Variants in ASH1L observed in about 807,000 individuals in gnomAD.
The protein encoded by ASH1L is ASH1 like histone lysine methyltransferase.
Under a neutral mutation model 269.0 loss-of-function variants are expected in ASH1L, and 23 were observed. The observed-to-expected ratio is 0.09, with a 90% CI of 0.06 to 0.12. The LOEUF is 0.12. Ranked by LOEUF, ASH1L falls within the 10% of genes least tolerant of loss-of-function variation. The pLI, the probability that ASH1L is intolerant of heterozygous loss-of-function variation, is 1.00. For synonymous variants in ASH1L, 1,187 were observed against 1,253.5 expected, an observed-to-expected ratio of 0.95 and a Z score of 1.12; for missense variants, 2,912 against 3,567.8, an observed-to-expected ratio of 0.82 and a Z score of 4.68.
chr1:155,418,492 C>T (rs780732914), intron 5 of ASH1L, among the ~76,000 whole-genome samples: 2 of 151,896 alleles, frequency 1.3e-5, no homozygotes, highest in Non-Finnish European at 1.5e-5. Context: ...GAATATAATA[C>T]TAACAGAATC....
chr1:155,499,823 T>C (rs1276615929), intron 2 of ASH1L, among the ~76,000 whole-genome samples: 1 of 152,174 alleles, frequency 6.6e-6, no homozygotes, highest in Admixed American at 6.5e-5. Context: ...ATATACCTTC[T>C]AACAATTTGG....
chr1:155,524,824 A>T (rs769866653), intron 1 of ASH1L, among the ~76,000 whole-genome samples: 35 of 152,300 alleles, frequency 2.3e-4, no homozygotes, highest in Non-Finnish European at 4.3e-4. Context: ...TGGGCAACAG[A>T]ACAAGACCCT....
At chr1:155,410,497 TTG>T (rs1659674642) in intron 6 of ASH1L, among the ~76,000 whole-genome samples, 1 of 152,006 alleles carries the variant, frequency 6.6e-6, no homozygotes, top group South Asian at 2.1e-4. Flanking sequence ...AGAGACAGGG[TTG>T]TGTCATGTTG....
chr1:155,512,448 C>CTTTT (rs1217608016), intron 2 of ASH1L, among the ~76,000 whole-genome samples: 17 of 93,710 alleles, frequency 1.8e-4, no homozygotes, highest in East Asian at 1.2e-3. Flanking sequence ...GGATCTTAGA[C>CTTTT]TTTTTTTTTT....
chr1:155,562,845 T>TCCC, upstream of ASH1L: 1 of 180,408 alleles, frequency 5.5e-6, no homozygotes, highest in Non-Finnish European at 1.1e-5. Context: ...CTCCCCCCCC[T>TCCC]TCCCCGCCCC....
intron 2 of ASH1L, among the ~76,000 whole-genome samples, chr1:155,494,499 A>C (rs1434323523): frequency 6.6e-6 from 1 of 152,346 alleles, no homozygotes; most frequent in South Asian, 2.1e-4. Flanking sequence ...AAGAAAAAAC[A>C]CAAAAAACTT....
intron 6 of ASH1L, among the ~76,000 whole-genome samples, chr1:155,407,959 G>C (rs996163924): frequency 2.0e-5 from 3 of 152,064 alleles, no homozygotes; most frequent in Admixed American, 1.3e-4. Flanking sequence ...TAGTGATGTG[G>C]GTTTCTTTCT....
At chr1:155,503,090 C>A (rs1215942201) in intron 2 of ASH1L, among the ~76,000 whole-genome samples, 1 of 152,120 alleles carries the variant, frequency 6.6e-6, no homozygotes, top group Non-Finnish European at 1.5e-5. Context: ...AAATCAAAGA[C>A]TAGGCAAGGA....
At chr1:155,364,867 GGGA>G (rs1032457055) in intron 12 of ASH1L, among the ~76,000 whole-genome samples, 2 of 150,434 alleles carry the variant, frequency 1.3e-5, no homozygotes, top group African/African-American at 4.9e-5. Flanking sequence ...GCTTGAACCT[GGGA>G]GGAGGAGGCT....
At chr1:155,342,755 C>G (rs1361802316) in intron 24 of ASH1L, among the ~76,000 whole-genome samples, 1 of 151,870 alleles carries the variant, frequency 6.6e-6, no homozygotes, top group Non-Finnish European at 1.5e-5. Context: ...TAAGTAAATT[C>G]CACAAAGGAA....
chr1:155,528,840 C>G (rs1219961077), intron 1 of ASH1L, among the ~76,000 whole-genome samples: 1 of 152,092 alleles, frequency 6.6e-6, no homozygotes, highest in Non-Finnish European at 1.5e-5. Flanking sequence ...TCCTGATTCT[C>G]TCCCTCTTCC....
intron 3 of ASH1L, among the ~76,000 whole-genome samples, chr1:155,477,389 C>A (rs1665640791): frequency 6.6e-6 from 1 of 152,012 alleles, no homozygotes; most frequent in Non-Finnish European, 1.5e-5. Context: ...TGAAAATGTC[C>A]AATGTTTGAA....
chr1:155,351,105 C>T (rs530157688), intron 17 of ASH1L, among the ~76,000 whole-genome samples: 9 of 151,126 alleles, frequency 6.0e-5, no homozygotes, highest in African/African-American at 2.2e-4. Flanking sequence ...ATTAGCTGGC[C>T]GTGGTGGCAC....
At chr1:155,407,388 A>G (rs527438862) in intron 6 of ASH1L, among the ~76,000 whole-genome samples, 1 of 152,324 alleles carries the variant, frequency 6.6e-6, no homozygotes, top group South Asian at 2.1e-4. Context: ...TTACAATATT[A>G]TATATACAAT....
chr1:155,347,364 G>A (rs1486833133), intron 20 of ASH1L, among the ~76,000 whole-genome samples: 1 of 152,082 alleles, frequency 6.6e-6, no homozygotes, highest in Non-Finnish European at 1.5e-5. Flanking sequence ...CTGAGATCGT[G>A]CCACCACACT....
intron 6 of ASH1L, among the ~76,000 whole-genome samples, chr1:155,406,273 G>A (rs1029842118): frequency 2.0e-5 from 3 of 150,854 alleles, no homozygotes; most frequent in Non-Finnish European, 4.4e-5. Context: ...GATTCCAGTT[G>A]CATTTTTTGC....
intron 1 of ASH1L, among the ~76,000 whole-genome samples, chr1:155,559,554 A>G (rs1353242014): frequency 6.6e-6 from 1 of 150,426 alleles, no homozygotes; most frequent in Non-Finnish European, 1.5e-5. Flanking sequence ...AAAAAAAAGC[A>G]CAAGATGATA....
intron 5 of ASH1L, among the ~76,000 whole-genome samples, chr1:155,428,463 A>G (rs1006192880): frequency 6.6e-5 from 10 of 151,824 alleles, no homozygotes; most frequent in African/African-American, 2.2e-4. Context: ...ATATATATAT[A>G]TATGTTGGGA....
At chr1:155,434,702 A>G (rs1427170117) in intron 5 of ASH1L, among the ~76,000 whole-genome samples, 2 of 151,766 alleles carry the variant, frequency 1.3e-5, no homozygotes, top group South Asian at 4.2e-4. Flanking sequence ...AATACAAAAA[A>G]ATTAGCCAGG....
Sources: allele counts gnomAD v4.1 joint callset (sites outside exome capture counted in the v4.1 genomes callset), GRCh38; gene constraint gnomAD v4.1.1; transcripts MANE v1.5; gene names NCBI Gene and HGNC (gene_info 2026-07-23, HGNC 2026-07-21).